The following PCDHGB3 variants were observed in gnomAD, a reference collection of about 807,000 sequenced individuals.
PCDHGB3 encodes the protein protocadherin gamma-B3.
Under a neutral mutation model 59.2 loss-of-function variants are expected in PCDHGB3, and 40 were observed. That is an observed-to-expected ratio of 0.68 (90% CI 0.52 to 0.88). The LOEUF is 0.88. Among genes scored for constraint, PCDHGB3 ranks in the 40% least tolerant of loss-of-function variants. PCDHGB3 has a pLI of 0.00. For missense variants in PCDHGB3, 1,309 were observed against 1,187.9 expected (o/e 1.10, Z -1.50); for synonymous variants, 581 against 503.6 (o/e 1.15, Z -2.06).
chr5:141,492,632 C>G (rs1359761285), intron 1 of PCDHGB3, among the ~76,000 whole-genome samples: 1 of 152,256 alleles, frequency 6.6e-6, no homozygotes, highest in Non-Finnish European at 1.5e-5. Flanking sequence ...CAGGACTCTA[C>G]GATCCTTGGG....
At chr5:141,388,773 GGGGAAATTACT>G (rs1376289371) in intron 1 of PCDHGB3, 2 of 1,613,690 alleles carry the variant, frequency 1.2e-6, no homozygotes, top group African/African-American at 2.7e-5. Context: ...CTCTAACACC[GGGGAAATTACT>G]GTTTTAAATA....
At position 141,432,181 on chromosome 5, in the gene PCDHGB3, G is replaced by A. The variant is rs1443322706; in HGVS notation, c.2415+59372G>A. 3.7e-6 allele frequency: 6 copies of A among 1,614,116 alleles called. No homozygotes were observed. In the South Asian group the frequency reaches 6.6e-5, roughly 18 times the overall value. On this transcript the variant is annotated intron_variant, in intron 1 of 3. Coordinates refer to ENST00000576222, the MANE Select transcript of PCDHGB3 (RefSeq NM_018924.5). This position sits in a 1 kb window ranked among gnomAD's most constrained non-coding sequence, Gnocchi z 6.0. ...CCAGAGGAGTTTCCCTCGTCTCTGTGACCGCCCACGACCCCGACTGTGAAG... is the reference window on the plus strand; with the variant it reads ...CCAGAGGAGTTTCCCTCGTCTCTGTAACCGCCCACGACCCCGACTGTGAAG...
chr5:141,489,893 G>A lies in PCDHGB3; in HGVS notation c.2416-4914G>A. ...CTGGTGCTTACTGCTGTGGATGGGG[G>A]GACCCCAGCCCGCTCAGGGACCACC... On this transcript the variant is annotated intron_variant, in intron 1 of 3. Transcript: ENST00000576222. This position sits in a 1 kb window ranked among gnomAD's most constrained non-coding sequence, Gnocchi z 4.5. 6.2e-7 allele frequency: 1 copy of A among 1,614,190 alleles called. No individual in the cohort carries two copies. Among genetic ancestry groups the A allele is most frequent in the South Asian group, 1.1e-5 (1 of 91,084 alleles).
In PCDHGB3 at chr5:141,490,275, C is replaced by A; in HGVS notation, c.2416-4532C>A. 6.2e-7 allele frequency: 1 copy of A among 1,614,238 alleles called. No individual in the cohort carries two copies. The highest frequency in any genetic ancestry group is 8.5e-7 in the Non-Finnish European group (1 of 1,180,044). On this transcript the variant is annotated intron_variant, in intron 1 of 3. Transcript: ENST00000576222. The surrounding 1 kb of genome is among the most constrained non-coding windows in gnomAD (Gnocchi z 5.4). Reference sequence around the variant, plus strand: ...AAGTGGATGTGGGGGATGTCAATGACAATGCCCCAGAGGTGCTATTGGCCT... The same window carrying A: ...AAGTGGATGTGGGGGATGTCAATGAAAATGCCCCAGAGGTGCTATTGGCCT...
intron 1 of PCDHGB3, among the ~76,000 whole-genome samples, chr5:141,475,732 C>T (rs2099367914): frequency 6.6e-6 from 1 of 152,248 alleles, no homozygotes; most frequent in Non-Finnish European, 1.5e-5. Context: ...GCTGGCTTTC[C>T]CTAAGGTAGG....
intron 1 of PCDHGB3, among the ~76,000 whole-genome samples, chr5:141,446,325 T>G (rs1440954528): frequency 3.9e-5 from 6 of 152,124 alleles, no homozygotes; most frequent in African/African-American, 1.4e-4. Flanking sequence ...GTTTCCACAT[T>G]AAGGAACTGG....
intron 3 of PCDHGB3, among the ~76,000 whole-genome samples, chr5:141,509,044 C>G (rs1385744160): frequency 1.3e-5 from 2 of 152,130 alleles, no homozygotes. Flanking sequence ...CCCTCTCCCC[C>G]GCCCCCAGAA....
At chr5:141,375,557 G>T (rs1160596322) in intron 1 of PCDHGB3, 1 of 1,613,988 alleles carries the variant, frequency 6.2e-7, no homozygotes, top group Admixed American at 1.7e-5. Context: ...CTACTCACTG[G>T]CAGAAGACAC....
rs1412265811 is a variant in PCDHGB3, at chr5:141,461,565, A to G, written c.2416-33242A>G. Among the ~76,000 whole-genome samples the G allele has an allele frequency of 2.6e-5, 4 of 152,178 alleles. No individual in the cohort carries two copies. The East Asian group carries it at 7.7e-4, about 29-fold the overall frequency. On this transcript the variant is annotated intron_variant, in intron 1 of 3. Coordinates refer to ENST00000576222, the MANE Select transcript of PCDHGB3 (RefSeq NM_018924.5). ...CCTTTGTCAGATGTGTACTTTGCAA[A>G]GATAATATTTTGGATGTTATATTTC...
chr5:141,458,249 GCT>G (rs1291613361), intron 1 of PCDHGB3, among the ~76,000 whole-genome samples: 1 of 152,136 alleles, frequency 6.6e-6, no homozygotes, highest in African/African-American at 2.4e-5. Flanking sequence ...AAATGATACG[GCT>G]CTGATGAGTG....
chr5:141,420,336 T>C, intron 1 of PCDHGB3: 1 of 1,399,186 alleles, frequency 7.1e-7, no homozygotes, highest in East Asian at 2.5e-5. Flanking sequence ...TATTCCAATA[T>C]AGTGGTATTA....
At position 141,418,250 on chromosome 5, in the gene PCDHGB3, C is replaced by T. The variant is rs375149538; in HGVS notation, c.2415+45441C>T. ...GATTGAGGATGTTAATGACCACGCC[C>T]CTCAATTCCGGAAAGATGAAATAAA... On this transcript the variant is annotated intron_variant, in intron 1 of 3. Transcript: ENST00000576222. The T allele has an allele frequency of 2.5e-5, 40 of 1,613,876 alleles. No individual in the cohort carries two copies. The African/African-American group carries it at 3.6e-4, about 15-fold the overall frequency.
intron 1 of PCDHGB3, chr5:141,384,094 G>T: frequency 6.3e-7 from 1 of 1,596,384 alleles, no homozygotes. Flanking sequence ...AAAATCAATA[G>T]ATAATTATTA....
chr5:141,501,635 T>G (rs553343946), intron 2 of PCDHGB3, among the ~76,000 whole-genome samples: 1 of 152,236 alleles, frequency 6.6e-6, no homozygotes, highest in African/African-American at 2.4e-5. Flanking sequence ...TCTCAACCTC[T>G]CTGAGCCCTG....
In PCDHGB3 at chr5:141,431,140, C is replaced by G. The variant is rs145692116; in HGVS notation, c.2415+58331C>G. The G allele has an allele frequency of 6.2e-7, 1 of 1,614,208 alleles. No individual in the cohort carries two copies. The highest frequency in any genetic ancestry group is 1.7e-5 in the Admixed American group (1 of 60,038). On this transcript the variant is annotated intron_variant, in intron 1 of 3. Transcript: ENST00000576222. This position sits in a 1 kb window ranked among gnomAD's most constrained non-coding sequence, Gnocchi z 4.8. The stretch of plus-strand genomic sequence containing the variant: ...TAGAAGTAGAAGTAAGGGACATTAA[C>G]GACAATGCGCCTTACTTTCGTGAAA...
rs570809952 is a variant in PCDHGB3 at position 141,463,609 on chromosome 5, C to T, written c.2416-31198C>T. 4.6e-5 allele frequency among the ~76,000 whole-genome samples: 7 copies of T among 151,964 alleles called. No homozygotes were observed. In the East Asian group the frequency reaches 9.7e-4, roughly 21 times the overall value. The stretch of plus-strand genomic sequence containing the variant: ...GACTACAGGTGCCTGCCACCATGCC[C>T]GGCTAATTTTTTGTATTTTGTTTAG... On this transcript the variant is annotated intron_variant, in intron 1 of 3. Coordinates refer to ENST00000576222, the MANE Select transcript of PCDHGB3 (RefSeq NM_018924.5).
intron 1 of PCDHGB3, chr5:141,375,181 C>A (rs868598149): frequency 4.3e-6 from 7 of 1,613,836 alleles, no homozygotes; most frequent in Non-Finnish European, 5.9e-6. Flanking sequence ...GAACAGTAAT[C>A]GCCCTTTTTC....
chr5:141,405,242 A>G, intron 1 of PCDHGB3: 1 of 1,614,156 alleles, frequency 6.2e-7, no homozygotes, highest in Non-Finnish European at 8.5e-7. Flanking sequence ...CGCTGACTCA[A>G]GGAAGAGTCA....
intron 1 of PCDHGB3, chr5:141,392,755 T>C: frequency 6.8e-7 from 1 of 1,460,466 alleles, no homozygotes; most frequent in South Asian, 1.5e-5. Context: ...GGCAAGAAAC[T>C]AAATAAGACC....
Sources: gnomAD v4.1 joint callset for allele counts (sites outside exome capture counted in the v4.1 genomes callset) on GRCh38, gnomAD v4.1.1 for gene constraint, Gnocchi (gnomAD v3.1) non-coding constraint, MANE v1.5 for transcripts, NCBI Gene and HGNC (gene_info 2026-07-23, HGNC 2026-07-21) for gene names.